The following CTBS variants were observed in gnomAD, a reference collection of about 807,000 sequenced individuals.
The protein encoded by CTBS is di-N-acetylchitobiase.
A neutral mutation model predicts 44.3 loss-of-function variants in CTBS; 35 were observed. That is an observed-to-expected ratio of 0.79 (90% CI 0.60 to 1.05). The LOEUF is 1.05. Among genes scored for constraint, CTBS ranks in the 50% least tolerant of loss-of-function variants. The pLI, the probability that CTBS is intolerant of heterozygous loss-of-function variation, is 0.00. For missense variants in CTBS, 458 were observed against 475.3 expected (o/e 0.96, Z 0.34); for synonymous variants, 143 against 168.0 (o/e 0.85, Z 1.15).
intron 3 of CTBS, 64 bp downstream of exon 3, chr1:84,569,867 T>C: frequency 2.3e-6 from 3 of 1,290,814 alleles, no homozygotes; most frequent in South Asian, 1.3e-5. Context: ...ATATTAGTTA[T>C]ACCCTCATGA....
Position 84,551,243 on chromosome 1 carries a change from CTCA to C in CTBS, c.*3753_*3755del. 3.0e-6 allele frequency: 3 copies of C among 984,904 alleles called. No homozygotes were observed. The highest frequency in any genetic ancestry group is 3.6e-6 in the Non-Finnish European group (3 of 829,526). 61.0% of individuals were successfully genotyped at this position (984,904 alleles called of 1,614,324 possible). A position where few individuals can be genotyped will look rare whatever the true frequency, so the allele number is the denominator to read the frequency against. Reference sequence around the variant, plus strand: ...TGAGAACGATAATTATATGAATGCTCTCATTTCTTTATCAGAAACAGCTTTATG... The same window carrying C: ...TGAGAACGATAATTATATGAATGCTCTTTCTTTATCAGAAACAGCTTTATG... On this transcript the variant is annotated 3_prime_UTR_variant, in exon 7 of 7. Transcript: ENST00000370630.
chr1:84,568,844 G>A (rs1203622226), intron 3 of CTBS, among the ~76,000 whole-genome samples: 7 of 152,016 alleles, frequency 4.6e-5, no homozygotes, highest in South Asian at 2.1e-4. Context: ...TGCTGATCCC[G>A]CTTTGCCTTC....
intron 1 of CTBS, among the ~76,000 whole-genome samples, chr1:84,572,025 A>G (rs1647320785): frequency 6.6e-6 from 1 of 152,326 alleles, no homozygotes; most frequent in East Asian, 1.9e-4. Flanking sequence ...TAAAGTCGGT[A>G]GTGGAAAGAT....
chr1:84,570,170 G>A lies in CTBS; in HGVS notation c.317-31C>T, dbSNP rs776522784. On this transcript the variant is annotated intron_variant, in intron 2 of 6. Coordinates refer to ENST00000370630, the MANE Select transcript of CTBS (RefSeq NM_004388.3). The stretch of plus-strand genomic sequence containing the variant: ...GAAGAAGTATATATCTTTTGAACAT[G>A]TATGCAAAAACATTTCATTATTTTG... 4.5e-6 allele frequency: 7 copies of A among 1,558,140 alleles called. No homozygotes were observed. The Admixed American group carries it at 1.1e-4, about 25-fold the overall frequency.
rs556787384 is a variant in CTBS at position 84,552,271 on chromosome 1, A to G, written c.*2728T>C. 3 of 152,296 alleles carry G rather than the reference A, an allele frequency of 2.0e-5. No homozygotes were observed. The highest frequency in any genetic ancestry group is 2.1e-4 in the South Asian group (1 of 4,828). The allele number at this position is 152,296 out of a possible 1,614,324, so 9.4% of individuals were successfully genotyped here. A position where few individuals can be genotyped will look rare whatever the true frequency, so the allele number is the denominator to read the frequency against. On this transcript the variant is annotated 3_prime_UTR_variant, in exon 7 of 7. Coordinates refer to ENST00000370630, the MANE Select transcript of CTBS (RefSeq NM_004388.3). ...TAAGTAGTGCTTCTCAAAGTTTAAT[A>G]TATCATCTGAGGATCCTGTTTAAAA...
At position 84,555,169 on chromosome 1, in the gene CTBS, A is replaced by G; in HGVS notation, c.988T>C (p.Tyr330His). The G allele has an allele frequency of 6.2e-7, 1 of 1,613,832 alleles. No individual in the cohort carries two copies. Among genetic ancestry groups the G allele is most frequent in the Non-Finnish European group, 8.5e-7 (1 of 1,179,818 alleles). The change falls in exon 7 of 7, where the codon TAT becomes CAT. Residue 330 changes from tyrosine to histidine, a missense_variant. Tyr to His is a moderately conservative substitution (Grantham distance 83). Coordinates refer to ENST00000370630, the MANE Select transcript of CTBS (RefSeq NM_004388.3). ...DPAGHFHQVW[Y>H]DNPQSISLKA... ...AAAGAAATACTCTGAGGGTTATCAT[A>G]CCATACTTGATGAAAGTGGCCAGCA... is the stretch of plus-strand genomic sequence containing the variant.
chr1:84,551,285 A>G lies in CTBS; in HGVS notation c.*3714T>C. The G allele has an allele frequency of 1.0e-6, 1 of 980,798 alleles. No individual in the cohort carries two copies. Among genetic ancestry groups the G allele is most frequent in the Non-Finnish European group, 1.2e-6 (1 of 825,728 alleles). The allele number at this position is 980,798 out of a possible 1,614,324, so 60.8% of individuals were successfully genotyped here. ...AACAGCTTTATGACACAGAATAATG[A>G]CTGCATTCTAGAATTAGCTCTTTTT... On this transcript the variant is annotated 3_prime_UTR_variant, in exon 7 of 7. Transcript: ENST00000370630.
At chr1:84,567,571 G>A (rs1684723697) in intron 3 of CTBS, among the ~76,000 whole-genome samples, 1 of 152,134 alleles carries the variant, frequency 6.6e-6, no homozygotes, top group South Asian at 2.1e-4. Context: ...AAAAATGAGG[G>A]TGTAGAAAGA....
At chr1:84,563,186 C>G (rs1684626551) in intron 6 of CTBS, 71 bp downstream of exon 6, 1 of 1,076,718 alleles carries the variant, frequency 9.3e-7, no homozygotes, top group Non-Finnish European at 1.2e-6. Flanking sequence ...TTCTTGATAT[C>G]AAACATCTAA....
rs1408087581 is a variant in CTBS, at chr1:84,553,491, T to G, written c.*1508A>C. 6.6e-6 allele frequency: 1 copy of G among 152,210 alleles called. No individual in the cohort carries two copies. Among genetic ancestry groups the G allele is most frequent in the African/African-American group, 2.4e-5 (1 of 41,436 alleles). The allele number at this position is 152,210 out of a possible 1,614,324, so 9.4% of individuals were successfully genotyped here. A position where few individuals can be genotyped will look rare whatever the true frequency, so the allele number is the denominator to read the frequency against. On this transcript the variant is annotated 3_prime_UTR_variant, in exon 7 of 7. Transcript: ENST00000370630. ...ATTAATGAATACTAATATATTTGCA[T>G]GAAAATACAGACTTCATTTAACTTA...
In CTBS at chr1:84,554,098, G is replaced by A. The variant is rs572456610; in HGVS notation, c.*901C>T. ...TGGAGACCCATCTGGACAACATAGC[G>A]AGACCCTGTCTCTACAAAAAATAAA... is the stretch of plus-strand genomic sequence containing the variant. On this transcript the variant is annotated 3_prime_UTR_variant, in exon 7 of 7. Transcript: ENST00000370630. 5.3e-5 allele frequency: 8 copies of A among 152,142 alleles called. No individual in the cohort carries two copies. Among genetic ancestry groups the A allele is most frequent in the East Asian group, 1.9e-4 (1 of 5,180 alleles). 9.4% of individuals were successfully genotyped at this position (152,142 alleles called of 1,614,324 possible).
Position 84,553,025 on chromosome 1 carries a change from C to G in CTBS, c.*1974G>C. The G allele has an allele frequency of 1.3e-6, 2 of 1,494,544 alleles. No homozygotes were observed. Among genetic ancestry groups the G allele is most frequent in the Non-Finnish European group, 1.8e-6 (2 of 1,115,806 alleles). 92.6% of individuals were successfully genotyped at this position (1,494,544 alleles called of 1,614,324 possible). ...TGAAGTTCATTTTTGAAAAGTAATT[C>G]TTTTTATAGATGAGAAAACAAGCAG... is the stretch of plus-strand genomic sequence containing the variant. On this transcript the variant is annotated 3_prime_UTR_variant, in exon 7 of 7. Coordinates refer to ENST00000370630, the MANE Select transcript of CTBS (RefSeq NM_004388.3).
At chr1:84,562,304 G>C (rs1340291854) in intron 6 of CTBS, among the ~76,000 whole-genome samples, 1 of 152,178 alleles carries the variant, frequency 6.6e-6, no homozygotes, top group African/African-American at 2.4e-5. Context: ...TATAAACACT[G>C]TTTAGGAAAG....
intron 1 of CTBS, chr1:84,573,857 T>G (rs747216473): frequency 2.8e-6 from 3 of 1,081,172 alleles, no homozygotes; most frequent in Admixed American, 5.1e-5. Flanking sequence ...ACTGTTGGAG[T>G]GCTGAGATTC....
At position 84,559,296 on chromosome 1, in the gene CTBS, TG is replaced by T. The variant is rs1310250319; in HGVS notation, c.957+3960del. ...TTGATGCTACTATTGTAATTGTTTG[TG>T]GGCACCATGAACTGCCCATATAAGA... On this transcript the variant is annotated intron_variant, in intron 6 of 6. Coordinates refer to ENST00000370630, the MANE Select transcript of CTBS (RefSeq NM_004388.3). Among the ~76,000 whole-genome samples, 3 of 152,316 alleles carry T rather than the reference TG, an allele frequency of 2.0e-5. No homozygotes were observed. The East Asian group carries it at 5.8e-4, about 29-fold the overall frequency.
Position 84,554,251 on chromosome 1 carries a change from C to G in CTBS, c.*748G>C, listed in dbSNP as rs2102013233. 1 of 152,178 alleles carries G rather than the reference C, an allele frequency of 6.6e-6. No individual in the cohort carries two copies. The highest frequency in any genetic ancestry group is 1.5e-5 in the Non-Finnish European group (1 of 68,020). 9.4% of individuals were successfully genotyped at this position (152,178 alleles called of 1,614,324 possible). A position where few individuals can be genotyped will look rare whatever the true frequency, so the allele number is the denominator to read the frequency against. ...TTAGAAGTGTGACAGTGAACAGAATCAAGTTCAACTGCAAGTTATTCCTAT... is the reference window on the plus strand; with the variant it reads ...TTAGAAGTGTGACAGTGAACAGAATGAAGTTCAACTGCAAGTTATTCCTAT... On this transcript the variant is annotated 3_prime_UTR_variant, in exon 7 of 7. Coordinates refer to ENST00000370630, the MANE Select transcript of CTBS (RefSeq NM_004388.3).
intron 2 of CTBS, among the ~76,000 whole-genome samples, 159 bp from the exon 3 acceptor site, chr1:84,570,298 T>G (rs1647266297): frequency 6.6e-6 from 1 of 152,206 alleles, no homozygotes; most frequent in Non-Finnish European, 1.5e-5. Context: ...TATAAATCAT[T>G]AGTAAAATTG....
Position 84,555,151 on chromosome 1 carries a change from T to C in CTBS, c.1006A>G (p.Ile336Val). Reference protein sequence around the residue: ...HQVWYDNPQSISLKATYIQNY... With the variant: ...HQVWYDNPQSVSLKATYIQNY... Reference sequence around the variant, plus strand: ...TGTATATATGTTGCCTTTAAAGAAATACTCTGAGGGTTATCATACCATACT... The same window carrying C: ...TGTATATATGTTGCCTTTAAAGAAACACTCTGAGGGTTATCATACCATACT... Residue 336 changes from isoleucine (I) to valine (V), a missense_variant, in exon 7 of 7, where the codon ATT becomes GTT. Physicochemically the swap from Ile to Val is conservative, Grantham distance 29 (BLOSUM62 3). Coordinates refer to ENST00000370630, the MANE Select transcript of CTBS (RefSeq NM_004388.3). 1.9e-6 allele frequency: 3 copies of C among 1,613,930 alleles called. No individual in the cohort carries two copies. Among genetic ancestry groups the C allele is most frequent in the Non-Finnish European group, 2.5e-6 (3 of 1,179,920 alleles).
Position 84,570,722 on chromosome 1 carries a change from T to A in CTBS, c.178-2A>T. The A allele has an allele frequency of 1.2e-6, 2 of 1,611,690 alleles. No individual in the cohort carries two copies. The highest frequency in any genetic ancestry group is 1.3e-5 in the African/African-American group (1 of 74,900). Reference sequence around the variant, plus strand: ...CTGTCCAACATCAAACACAAAGACCTGCCAGAACAAAGATGAGCACCATCA... The same window carrying A: ...CTGTCCAACATCAAACACAAAGACCAGCCAGAACAAAGATGAGCACCATCA... On this transcript the variant is annotated splice_acceptor_variant, in intron 1 of 6. Transcript: ENST00000370630. LOFTEE classifies it high-confidence loss of function.
Sources: allele counts gnomAD v4.1 joint callset (sites outside exome capture counted in the v4.1 genomes callset), GRCh38; gene constraint gnomAD v4.1.1; transcripts MANE v1.5; gene names NCBI Gene and HGNC (gene_info 2026-07-23, HGNC 2026-07-21).